C1orf21: variants seen among roughly 807,000 people sequenced by gnomAD.
C1orf21 encodes uncharacterized protein C1orf21.
C1orf21 carries 3 observed loss-of-function variants against 18.7 expected under a neutral mutation model. The ratio of observed to expected loss-of-function variants is 0.16; its 90% CI spans 0.07 to 0.42. The LOEUF is 0.42. Among genes scored for constraint, C1orf21 ranks in the 10% least tolerant of loss-of-function variants. C1orf21 has a pLI of 0.99. For synonymous variants in C1orf21, 41 were observed against 46.4 expected (o/e 0.88, Z 0.47); for missense variants, 104 against 143.6 (o/e 0.72, Z 1.41).
At chr1:184,574,436 G>A (rs1216802746) in intron 3 of C1orf21, among the ~76,000 whole-genome samples, 1 of 152,152 alleles carries the variant, frequency 6.6e-6, no homozygotes, top group African/African-American at 2.4e-5. Flanking sequence ...CATATAAGTA[G>A]TCAGCTGAAG....
At chr1:184,541,078 C>T (rs1339568) in intron 3 of C1orf21, among the ~76,000 whole-genome samples, 25,677 of 151,972 alleles carry the variant, frequency 0.17, 2,443 homozygotes, top group East Asian at 0.3. Flanking sequence ...TATAGAGAAA[C>T]CAATAAATGT....
chr1:184,570,027 A>G (rs2101989477), intron 3 of C1orf21, among the ~76,000 whole-genome samples: 1 of 152,336 alleles, frequency 6.6e-6, no homozygotes, highest in South Asian at 2.1e-4. Context: ...AAGGATATTT[A>G]TTTGAGGGAA....
chr1:184,409,976 T>C (rs1656307161), intron 1 of C1orf21, among the ~76,000 whole-genome samples: 1 of 152,212 alleles, frequency 6.6e-6, no homozygotes, highest in Non-Finnish European at 1.5e-5. Context: ...AAGTGATATA[T>C]TAGACATGCT....
In C1orf21 at chr1:184,445,343, C is replaced by CCTCTCTCTCTCTCT. The variant is rs57710614; in HGVS notation, c.-124-32025_-124-32012dup. On this transcript the variant is annotated intron_variant, in intron 1 of 5. Transcript: ENST00000235307. The stretch of plus-strand genomic sequence containing the variant: ...TGTAAAACCACGCCCTTTTTTCAGA[C>CCTCTCTCTCTCTCT]CTCTCTCTCTCTCTCTCTCTCTCTC... Among the ~76,000 whole-genome samples the CCTCTCTCTCTCTCT allele has an allele frequency of 8.1e-3, 1,093 of 134,846 alleles. 24 individuals are homozygous for CCTCTCTCTCTCTCT. The highest frequency in any genetic ancestry group is 0.027 in the African/African-American group (936 of 34,814). The allele number at this position is 134,846 out of a possible 152,430, so 88.5% of individuals were successfully genotyped here. A position where few individuals can be genotyped will look rare whatever the true frequency, so the allele number is the denominator to read the frequency against.
At chr1:184,494,576 A>G (rs142218854) in intron 2 of C1orf21, among the ~76,000 whole-genome samples, 1 of 152,268 alleles carries the variant, frequency 6.6e-6, no homozygotes, top group African/African-American at 2.4e-5. Context: ...GGGAATGATT[A>G]AATATGAGCT....
intron 3 of C1orf21, among the ~76,000 whole-genome samples, chr1:184,515,017 A>G (rs1658203073): frequency 6.6e-6 from 1 of 152,224 alleles, no homozygotes; most frequent in African/African-American, 2.4e-5. Context: ...TAAGAATGTA[A>G]AGACTCAGTT....
intron 3 of C1orf21, among the ~76,000 whole-genome samples, chr1:184,559,505 C>CCTTCCTTCCTT (rs1553256430): frequency 2.1e-5 from 1 of 47,842 alleles, no homozygotes; most frequent in Non-Finnish European, 3.8e-5. Context: ...CTTCCTTCCC[C>CCTTCCTTCCTT]CCTTCCTTCC....
rs114387702 is a variant in C1orf21, at chr1:184,563,836, C to G, written c.190-26903C>G. On this transcript the variant is annotated intron_variant, in intron 3 of 5. Coordinates refer to ENST00000235307, the MANE Select transcript of C1orf21 (RefSeq NM_030806.4). ...AGTTCTTAAAGAAGATTGTGGAAAT[C>G]CACAAGGTGGACAGAGAATATTTAA... is the stretch of plus-strand genomic sequence containing the variant. 7.1e-3 allele frequency among the ~76,000 whole-genome samples: 1,076 copies of G among 152,284 alleles called. 17 individuals are homozygous for G. The highest frequency in any genetic ancestry group is 0.025 in the African/African-American group (1,029 of 41,550).
intron 1 of C1orf21, among the ~76,000 whole-genome samples, chr1:184,397,047 A>G (rs1438565411): frequency 1.3e-5 from 2 of 152,148 alleles, no homozygotes; most frequent in African/African-American, 4.8e-5. Flanking sequence ...AAGAAAACTA[A>G]ACAGTGAGTT....
At chr1:184,410,630 TATATATATATATATATATATATATATATA>T (rs1656322735) in intron 1 of C1orf21, among the ~76,000 whole-genome samples, 1 of 2,838 alleles carries the variant, frequency 3.5e-4, no homozygotes, top group Non-Finnish European at 5.3e-4. Context: ...TATATATATA[TATATATATATATATATATATATATATATA>T]TATATTTTTT....
At chr1:184,501,935 G>GA (rs2101961215) in intron 2 of C1orf21, among the ~76,000 whole-genome samples, 1 of 152,214 alleles carries the variant, frequency 6.6e-6, no homozygotes, top group African/African-American at 2.4e-5. Flanking sequence ...CACAAATAAA[G>GA]AAATACAAAT....
At chr1:184,405,267 C>T (rs1452163814) in intron 1 of C1orf21, among the ~76,000 whole-genome samples, 1 of 152,042 alleles carries the variant, frequency 6.6e-6, no homozygotes, top group Non-Finnish European at 1.5e-5. Flanking sequence ...ACGATCACAG[C>T]TTATTGCAGC....
chr1:184,410,644 T>TA (rs1425724743), intron 1 of C1orf21, among the ~76,000 whole-genome samples: 2 of 5,180 alleles, frequency 3.9e-4, no homozygotes, highest in African/African-American at 0.01. Flanking sequence ...TATATATATA[T>TA]ATATATATAT....
intron 2 of C1orf21, among the ~76,000 whole-genome samples, chr1:184,505,373 T>A (rs1006259450): frequency 6.8e-6 from 1 of 146,224 alleles, no homozygotes; most frequent in East Asian, 2.0e-4. Context: ...GACATGTATA[T>A]ATTCACCTAT....
At chr1:184,550,502 G>C (rs1034097130) in intron 3 of C1orf21, among the ~76,000 whole-genome samples, 5 of 152,096 alleles carry the variant, frequency 3.3e-5, no homozygotes. Context: ...TTCAAGTTGT[G>C]GAGATTTTAT....
intron 4 of C1orf21, among the ~76,000 whole-genome samples, chr1:184,596,116 C>A (rs1659509843): frequency 6.6e-6 from 1 of 152,158 alleles, no homozygotes; most frequent in East Asian, 1.9e-4. Context: ...TGCAGAGTTA[C>A]TTTTGTTTAA....
intron 3 of C1orf21, among the ~76,000 whole-genome samples, chr1:184,565,709 G>A (rs1009731870): frequency 3.3e-5 from 5 of 152,180 alleles, no homozygotes; most frequent in African/African-American, 9.7e-5. Flanking sequence ...AAGTCCACAG[G>A]CATGTAAAAG....
At chr1:184,390,286 G>A (rs1655951636) in intron 1 of C1orf21, among the ~76,000 whole-genome samples, 1 of 152,152 alleles carries the variant, frequency 6.6e-6, no homozygotes, top group African/African-American at 2.4e-5. Context: ...CTCCTCATGG[G>A]TGGAATGGAA....
At chr1:184,421,112 T>C (rs1290708642) in intron 1 of C1orf21, among the ~76,000 whole-genome samples, 1 of 152,182 alleles carries the variant, frequency 6.6e-6, no homozygotes, top group Non-Finnish European at 1.5e-5. Flanking sequence ...AAGATTACAC[T>C]TCTGCTTTAA....
Sources: allele counts gnomAD v4.1 joint callset (sites outside exome capture counted in the v4.1 genomes callset), GRCh38; gene constraint gnomAD v4.1.1; transcripts MANE v1.5; gene names NCBI Gene and HGNC (gene_info 2026-07-23, HGNC 2026-07-21).